The following WWOX variants were observed in gnomAD, a reference collection of about 807,000 sequenced individuals.
WWOX encodes WW domain containing oxidoreductase, also known as WW domain-containing oxidoreductase.
In WWOX, 69 loss-of-function variants were observed where a neutral mutation model predicts 46.2. The ratio of observed to expected loss-of-function variants is 1.49; its 90% CI spans 1.23 to 1.82. The LOEUF is 1.82. WWOX is among the 40% of genes most tolerant of loss of function. The pLI, the probability that WWOX is intolerant of heterozygous loss-of-function variation, is 0.00. For missense variants in WWOX, 919 were observed against 542.6 expected (o/e 1.69, Z -6.89); for synonymous variants, 359 against 202.6 (o/e 1.77, Z -6.56).
chr16:78,277,217 G>A (rs2079593470), intron 5 of WWOX, among the ~76,000 whole-genome samples: 1 of 152,220 alleles, frequency 6.6e-6, no homozygotes, highest in African/African-American at 2.4e-5. Flanking sequence ...GGGGATGGCA[G>A]AGATTAAGTA....
intron 8 of WWOX, among the ~76,000 whole-genome samples, chr16:78,882,475 C>CTTT (rs59829665): frequency 6.9e-6 from 1 of 144,748 alleles, no homozygotes; most frequent in Non-Finnish European, 1.5e-5. Flanking sequence ...CACCATACAT[C>CTTT]TTTTTTTTTT....
At chr16:78,160,137 G>C (rs1001725579) in intron 4 of WWOX, among the ~76,000 whole-genome samples, 2 of 151,670 alleles carry the variant, frequency 1.3e-5, no homozygotes, top group South Asian at 4.2e-4. Context: ...TTTTCCTAAT[G>C]TAATGGATGC....
At chr16:78,468,079 T>C (rs2667543) in intron 8 of WWOX, among the ~76,000 whole-genome samples, 59,020 of 151,818 alleles carry the variant, frequency 0.39, 14,218 homozygotes, top group African/African-American at 0.69. Flanking sequence ...AAAACTGACA[T>C]TTTCTAAGTG....
At chr16:78,960,253 C>A (rs563555630) in intron 8 of WWOX, among the ~76,000 whole-genome samples, 2 of 152,164 alleles carry the variant, frequency 1.3e-5, no homozygotes, top group Non-Finnish European at 2.9e-5. Context: ...GGACAAAGAC[C>A]TCCCCACCTC....
intron 8 of WWOX, among the ~76,000 whole-genome samples, chr16:79,078,768 T>C (rs746939509): frequency 4.6e-5 from 7 of 152,228 alleles, no homozygotes; most frequent in Non-Finnish European, 1.0e-4. Context: ...TCTTTTAGAA[T>C]GTCTTCACTT....
At chr16:78,753,916 T>A (rs1453608780) in intron 8 of WWOX, among the ~76,000 whole-genome samples, 1 of 140,392 alleles carries the variant, frequency 7.1e-6, no homozygotes, top group Non-Finnish European at 1.5e-5. Context: ...TATTCCAAGG[T>A]CACATGACTT....
At chr16:78,111,619 T>C (rs2032495893) in intron 3 of WWOX, among the ~76,000 whole-genome samples, 1 of 152,164 alleles carries the variant, frequency 6.6e-6, no homozygotes, top group Non-Finnish European at 1.5e-5. Flanking sequence ...CACCAGCTTC[T>C]TGTGGAAGGC....
chr16:78,164,337 C>G (rs764450831), intron 5 of WWOX, 48 bp downstream of exon 5: 6 of 1,536,694 alleles, frequency 3.9e-6, no homozygotes, highest in Non-Finnish European at 5.4e-6. Flanking sequence ...AATACACATG[C>G]CGGGCTAACC....
At chr16:78,774,550 G>T (rs1313191058) in intron 8 of WWOX, among the ~76,000 whole-genome samples, 2 of 151,798 alleles carry the variant, frequency 1.3e-5, no homozygotes, top group East Asian at 3.9e-4. Context: ...GCACACGCAT[G>T]AGCCTGTACG....
At chr16:78,173,990 C>G (rs763898595) in intron 5 of WWOX, among the ~76,000 whole-genome samples, 18 of 152,024 alleles carry the variant, frequency 1.2e-4, no homozygotes, top group Non-Finnish European at 2.4e-4. Context: ...CGCACTGTCT[C>G]ATGTGTCTTG....
At chr16:78,125,879 A>G (rs1406412103) in intron 4 of WWOX, among the ~76,000 whole-genome samples, 3 of 152,142 alleles carry the variant, frequency 2.0e-5, no homozygotes, top group Non-Finnish European at 4.4e-5. Flanking sequence ...AATATAAGTA[A>G]TTATTTTAAA....
At chr16:78,409,067 A>G (rs1226933573) in intron 6 of WWOX, among the ~76,000 whole-genome samples, 1 of 152,184 alleles carries the variant, frequency 6.6e-6, no homozygotes, top group African/African-American at 2.4e-5. Flanking sequence ...AGTCACTCCA[A>G]AAACAGATGA....
At chr16:78,739,835 A>G (rs999299745) in intron 8 of WWOX, among the ~76,000 whole-genome samples, 1 of 152,128 alleles carries the variant, frequency 6.6e-6, no homozygotes, top group Non-Finnish European at 1.5e-5. Flanking sequence ...CAAACAAACA[A>G]AAACCCCAGA....
At chr16:78,432,048 C>G (rs906511346) in intron 7 of WWOX, among the ~76,000 whole-genome samples, 1 of 151,716 alleles carries the variant, frequency 6.6e-6, no homozygotes, top group Non-Finnish European at 1.5e-5. Flanking sequence ...CATTGTCAAT[C>G]TTGAAAGGAG....
chr16:78,150,810 T>C (rs1451987701), intron 4 of WWOX, among the ~76,000 whole-genome samples: 13 of 152,202 alleles, frequency 8.5e-5, no homozygotes, highest in Non-Finnish European at 1.9e-4. Context: ...TTATCAATTA[T>C]TCACAACTCT....
chr16:78,732,317 C>A lies in WWOX; in HGVS notation c.1056+299565C>A, dbSNP rs116771347. On this transcript the variant is annotated intron_variant, in intron 8 of 8. Coordinates refer to ENST00000566780, the MANE Select transcript of WWOX (RefSeq NM_016373.4). The stretch of plus-strand genomic sequence containing the variant: ...TGGGATGCTTACCCTCAAAATTTGG[C>A]CACCATGCCATGAGGAAACTCAATC... Among the ~76,000 whole-genome samples, 1,028 of 152,200 alleles carry A rather than the reference C, an allele frequency of 6.8e-3. 9 individuals are homozygous for A. The highest frequency in any genetic ancestry group is 0.023 in the African/African-American group (939 of 41,532).
chr16:78,864,677 G>C (rs1305683029), intron 8 of WWOX, among the ~76,000 whole-genome samples: 1 of 151,346 alleles, frequency 6.6e-6, no homozygotes, highest in African/African-American at 2.4e-5. Context: ...TGTTAGCACA[G>C]GGTCTGACAC....
At position 79,014,969 on chromosome 16, in the gene WWOX, C is replaced by A. The variant is rs77723870; in HGVS notation, c.1057-196639C>A. 7.3e-4 allele frequency among the ~76,000 whole-genome samples: 111 copies of A among 152,254 alleles called. No homozygotes were observed. The East Asian group carries it at 9.7e-3, about 13-fold the overall frequency. The stretch of plus-strand genomic sequence containing the variant: ...GTGATATGTAGGAGAAGGATGTATC[C>A]ACTGGGCAAAGGTACCTGCGAGGGA... On this transcript the variant is annotated intron_variant, in intron 8 of 8. Transcript: ENST00000566780.
chr16:78,828,261 C>T lies in WWOX; in HGVS notation c.1057-383347C>T, dbSNP rs578174563. Among the ~76,000 whole-genome samples, 105 of 152,314 alleles carry T rather than the reference C, an allele frequency of 6.9e-4. 2 individuals carry two copies. Among genetic ancestry groups the T allele is most frequent in the African/African-American group, 2.4e-3 (98 of 41,578 alleles). Reference sequence around the variant, plus strand: ...GGCAAAGACAATGACAATAAAAGCACAGCCTCCAGAGAGAAGAGCCTTCGA... The same window carrying T: ...GGCAAAGACAATGACAATAAAAGCATAGCCTCCAGAGAGAAGAGCCTTCGA... On this transcript the variant is annotated intron_variant, in intron 8 of 8. Transcript: ENST00000566780.
Sources: gnomAD v4.1 joint callset for allele counts (sites outside exome capture counted in the v4.1 genomes callset) on GRCh38, gnomAD v4.1.1 for gene constraint, MANE v1.5 for transcripts, NCBI Gene and HGNC (gene_info 2026-07-23, HGNC 2026-07-21) for gene names.